Variants in RIMS2 observed in about 807,000 individuals in gnomAD.
The protein encoded by RIMS2 is regulating synaptic membrane exocytosis protein 2.
In RIMS2, 59 loss-of-function variants were observed where a neutral mutation model predicts 174.4. That is an observed-to-expected ratio of 0.34 (90% CI 0.27 to 0.42). RIMS2 has a LOEUF of 0.42. RIMS2 is among the 10% of genes least tolerant of loss of function. The pLI, the probability that RIMS2 is intolerant of heterozygous loss-of-function variation, is 1.00. For missense variants in RIMS2, 1,620 were observed against 1,666.3 expected, an observed-to-expected ratio of 0.97 and a Z score of 0.48; for synonymous variants, 606 against 572.5, an observed-to-expected ratio of 1.06 and a Z score of -0.84.
intron 1 of RIMS2, among the ~76,000 whole-genome samples, chr8:103,536,825 T>C (rs1236005964): frequency 6.6e-6 from 1 of 152,168 alleles, no homozygotes; most frequent in African/African-American, 2.4e-5. Flanking sequence ...GATGTGAGAT[T>C]TAGGTTGGGA....
chr8:103,603,874 G>A (rs1396225604), intron 1 of RIMS2, among the ~76,000 whole-genome samples: 2 of 148,796 alleles, frequency 1.3e-5, no homozygotes, highest in South Asian at 2.1e-4. Flanking sequence ...ATCTGTTTGA[G>A]TTCATTGTAG....
chr8:104,143,976 C>A (rs894348308), intron 19 of RIMS2, among the ~76,000 whole-genome samples: 3 of 152,182 alleles, frequency 2.0e-5, no homozygotes, highest in African/African-American at 7.2e-5. Context: ...TACCTCTATT[C>A]ATTCAAACCT....
chr8:103,545,133 A>G lies in RIMS2; in HGVS notation c.176+44071A>G, dbSNP rs77862499. Among the ~76,000 whole-genome samples the G allele has an allele frequency of 7.1e-3, 1,079 of 152,326 alleles. 21 individuals carry two copies. The highest frequency in any genetic ancestry group is 0.024 in the African/African-American group (1,018 of 41,570). On this transcript the variant is annotated intron_variant, in intron 1 of 23. Transcript: ENST00000504942. ...GAGAAAGATGAAACTCAATCCAAAG[A>G]ATCTAGGAAATACAATAAAACAATA...
At chr8:103,702,086 CTTG>C (rs1412531530) in intron 2 of RIMS2, among the ~76,000 whole-genome samples, 2 of 152,160 alleles carry the variant, frequency 1.3e-5, no homozygotes, top group African/African-American at 2.4e-5. Context: ...TCTCTGCATC[CTTG>C]TTAACATTTG....
chr8:103,519,038 T>G (rs1486096614), intron 1 of RIMS2, among the ~76,000 whole-genome samples: 1 of 152,170 alleles, frequency 6.6e-6, no homozygotes, highest in Non-Finnish European at 1.5e-5. Context: ...CAACTTGTTT[T>G]TCCAGCTTCA....
chr8:104,031,174 A>G (rs1376461709), intron 19 of RIMS2, among the ~76,000 whole-genome samples: 1 of 152,144 alleles, frequency 6.6e-6, no homozygotes, highest in East Asian at 1.9e-4. Flanking sequence ...TTTGTCATTT[A>G]TGAAGATACT....
intron 3 of RIMS2, among the ~76,000 whole-genome samples, chr8:103,876,196 GT>G (rs1457922032): frequency 2.6e-5 from 4 of 151,914 alleles, no homozygotes; most frequent in Non-Finnish European, 1.5e-5. Flanking sequence ...GTCCGGAAGA[GT>G]TTTTCCTAAG....
intron 3 of RIMS2, among the ~76,000 whole-genome samples, chr8:103,872,322 G>C (rs1414485964): frequency 1.3e-5 from 2 of 152,060 alleles, no homozygotes; most frequent in Non-Finnish European, 2.9e-5. Context: ...TTTGTTCCTA[G>C]ACCACTTGTA....
chr8:103,841,285 G>T (rs1315907621), intron 3 of RIMS2, among the ~76,000 whole-genome samples: 4 of 152,156 alleles, frequency 2.6e-5, no homozygotes, highest in Non-Finnish European at 4.4e-5. Flanking sequence ...TCTCTAAAAT[G>T]TATTTCAAGA....
chr8:103,630,503 C>T (rs1161369716), intron 1 of RIMS2, among the ~76,000 whole-genome samples: 1 of 145,984 alleles, frequency 6.9e-6, no homozygotes, highest in East Asian at 2.0e-4. Context: ...TCACTAGAAC[C>T]AGGGAGGCAA....
intron 1 of RIMS2, among the ~76,000 whole-genome samples, chr8:103,583,855 T>C (rs2093753155): frequency 6.6e-6 from 1 of 152,150 alleles, no homozygotes; most frequent in African/African-American, 2.4e-5. Context: ...AGAAAGTTAA[T>C]TCAAAGGGTA....
At chr8:103,568,838 G>T (rs1425339901) in intron 1 of RIMS2, 1 of 1,157,506 alleles carries the variant, frequency 8.6e-7, no homozygotes, top group Non-Finnish European at 1.3e-6. Flanking sequence ...CTTCTGTAGG[G>T]TTAGCTGGCT....
chr8:104,197,876 C>T (rs1309331179), intron 19 of RIMS2, among the ~76,000 whole-genome samples: 1 of 152,026 alleles, frequency 6.6e-6, no homozygotes, highest in Non-Finnish European at 1.5e-5. Flanking sequence ...CTAGCCATCA[C>T]ATTTTTTGTG....
At chr8:103,529,055 T>C (rs1204500479) in intron 1 of RIMS2, among the ~76,000 whole-genome samples, 3 of 152,188 alleles carry the variant, frequency 2.0e-5, no homozygotes, top group African/African-American at 7.2e-5. Flanking sequence ...GTTTGTGTCT[T>C]CTTTTATTTC....
At chr8:104,029,162 T>TTAGGACA (rs1293532407) in intron 19 of RIMS2, among the ~76,000 whole-genome samples, 11 of 152,300 alleles carry the variant, frequency 7.2e-5, no homozygotes, top group Admixed American at 1.3e-4. Flanking sequence ...CTAACTAGCA[T>TTAGGACA]ATGAACCGTG....
At chr8:104,109,314 A>G (rs976309677) in intron 19 of RIMS2, among the ~76,000 whole-genome samples, 42 of 151,364 alleles carry the variant, frequency 2.8e-4, no homozygotes, top group African/African-American at 6.8e-4. Flanking sequence ...AAAAAAAAAA[A>G]AAAGAAATAA....
intron 1 of RIMS2, among the ~76,000 whole-genome samples, chr8:103,543,838 A>C (rs967691766): frequency 6.6e-6 from 1 of 152,236 alleles, no homozygotes; most frequent in African/African-American, 2.4e-5. Flanking sequence ...ATGTGCAAAA[A>C]TTAACTCAAA....
At chr8:103,577,231 AAAAC>A (rs759383032) in intron 1 of RIMS2, among the ~76,000 whole-genome samples, 10 of 152,244 alleles carry the variant, frequency 6.6e-5, no homozygotes, top group African/African-American at 1.4e-4. Flanking sequence ...TTTGCAAGAA[AAAAC>A]AAACAACCCC....
intron 1 of RIMS2, among the ~76,000 whole-genome samples, chr8:103,550,960 G>A (rs973455288): frequency 6.6e-6 from 1 of 152,076 alleles, no homozygotes; most frequent in Non-Finnish European, 1.5e-5. Flanking sequence ...ATAATTAATG[G>A]CCTACTGACC....
Sources: gnomAD v4.1 joint callset for allele counts (sites outside exome capture counted in the v4.1 genomes callset) on GRCh38, gnomAD v4.1.1 for gene constraint, MANE v1.5 for transcripts, NCBI Gene and HGNC (gene_info 2026-07-23, HGNC 2026-07-21) for gene names.